The following PICALM variants were observed in gnomAD, a reference collection of about 807,000 sequenced individuals.
The protein encoded by PICALM is phosphatidylinositol binding clathrin assembly protein.
A neutral mutation model predicts 80.5 loss-of-function variants in PICALM; 40 were observed. The observed-to-expected ratio is 0.50, with a 90% CI of 0.39 to 0.65. The LOEUF is 0.65. Among genes scored for constraint, PICALM ranks in the 30% least tolerant of loss-of-function variants. The pLI is 0.00. For synonymous variants in PICALM, 288 were observed against 260.3 expected (o/e 1.11, Z -1.02); for missense variants, 676 against 778.9 (o/e 0.87, Z 1.57).
intron 1 of PICALM, among the ~76,000 whole-genome samples, chr11:86,038,521 G>A (rs1157851528): frequency 2.0e-5 from 3 of 151,922 alleles, no homozygotes; most frequent in Admixed American, 6.6e-5. Context: ...GGTGGCTCAC[G>A]CCTGGAATCC....
rs1018353366 is a variant in PICALM at position 85,957,909 on chromosome 11, G to C, written c.*1137C>G. ...GATCAACAGTGCAGTTTAATTCTTC[G>C]TTTACTAAACTCTTGGCTAGACATT... is the stretch of plus-strand genomic sequence containing the variant. On this transcript the variant is annotated 3_prime_UTR_variant, in exon 20 of 20. Coordinates refer to ENST00000393346, the MANE Select transcript of PICALM (RefSeq NM_007166.4). The C allele has an allele frequency of 4.5e-6, 1 of 223,330 alleles. No homozygotes were observed. The highest frequency in any genetic ancestry group is 9.0e-6 in the Non-Finnish European group (1 of 111,656). The allele number at this position is 223,330 out of a possible 1,614,324, so 13.8% of individuals were successfully genotyped here. A position where few individuals can be genotyped will look rare whatever the true frequency, so the allele number is the denominator to read the frequency against.
At position 86,011,017 on chromosome 11, in the gene PICALM, A is replaced by G; in HGVS notation, c.765+13T>C. 8.3e-7 allele frequency: 1 copy of G among 1,208,218 alleles called. No homozygotes were observed. The highest frequency in any genetic ancestry group is 1.3e-5 in the South Asian group (1 of 77,796). 74.8% of individuals were successfully genotyped at this position (1,208,218 alleles called of 1,614,324 possible). A position where few individuals can be genotyped will look rare whatever the true frequency, so the allele number is the denominator to read the frequency against. Reference sequence around the variant, plus strand: ...AAGGCAAGTTAGGAGACAGTCACTTAAAGACAGTTTACCTCTGCAACTTTG... The same window carrying G: ...AAGGCAAGTTAGGAGACAGTCACTTGAAGACAGTTTACCTCTGCAACTTTG... On this transcript the variant is annotated intron_variant, in intron 7 of 19. Transcript: ENST00000393346.
At chr11:85,985,021 A>C (rs1237671343) in intron 13 of PICALM, among the ~76,000 whole-genome samples, 2 of 152,158 alleles carry the variant, frequency 1.3e-5, no homozygotes, top group Non-Finnish European at 1.5e-5. Context: ...TCCTTTTCTA[A>C]ATTCTACTAA....
At chr11:86,055,544 A>C (rs2096255719) in intron 1 of PICALM, among the ~76,000 whole-genome samples, 1 of 152,198 alleles carries the variant, frequency 6.6e-6, no homozygotes, top group African/African-American at 2.4e-5. Context: ...AACTATACCC[A>C]GTAGTCATGG....
intron 1 of PICALM, among the ~76,000 whole-genome samples, chr11:86,049,051 G>C (rs1456641505): frequency 6.6e-6 from 1 of 152,136 alleles, no homozygotes; most frequent in East Asian, 1.9e-4. Context: ...CCAGCACTTT[G>C]GAAGACCAAG....
chr11:85,977,169 T>G (rs2094308353), intron 17 of PICALM, among the ~76,000 whole-genome samples: 1 of 152,218 alleles, frequency 6.6e-6, no homozygotes, highest in Non-Finnish European at 1.5e-5. Context: ...TCTAAGGATC[T>G]TACTCACTCT....
At chr11:85,977,457 G>T (rs1488513961) in intron 17 of PICALM, among the ~76,000 whole-genome samples, 2 of 152,106 alleles carry the variant, frequency 1.3e-5, no homozygotes, top group Non-Finnish European at 2.9e-5. Flanking sequence ...AACATTTCCT[G>T]TGTGTGTTTC....
rs150892552 is a variant in PICALM, at chr11:85,964,552, A to G, written c.1945-5492T>C. Among the ~76,000 whole-genome samples, 474 of 152,346 alleles carry G rather than the reference A, an allele frequency of 3.1e-3. 4 individuals are homozygous for G. The highest frequency in any genetic ancestry group is 0.011 in the South Asian group (51 of 4,826). On this transcript the variant is annotated intron_variant, in intron 19 of 19. Transcript: ENST00000393346. ...AAGCACTCAGCATGCTGCCTGGCATATATTAAGTAGCTCAAATATTCTTAG... is the reference window on the plus strand; with the variant it reads ...AAGCACTCAGCATGCTGCCTGGCATGTATTAAGTAGCTCAAATATTCTTAG...
At chr11:86,018,641 C>T (rs2095517445) in intron 4 of PICALM, among the ~76,000 whole-genome samples, 1 of 152,126 alleles carries the variant, frequency 6.6e-6, no homozygotes, top group Non-Finnish European at 1.5e-5. Flanking sequence ...GTAATCTCAG[C>T]ACTTTGGGAG....
intron 19 of PICALM, among the ~76,000 whole-genome samples, chr11:85,963,486 C>A (rs2093760938): frequency 1.3e-5 from 2 of 152,156 alleles, no homozygotes; most frequent in Admixed American, 1.3e-4. Context: ...ATCAAAATGA[C>A]CTATGTCACA....
At chr11:86,035,499 A>G (rs1242497372) in intron 1 of PICALM, among the ~76,000 whole-genome samples, 1 of 152,214 alleles carries the variant, frequency 6.6e-6, no homozygotes, top group Non-Finnish European at 1.5e-5. Context: ...TTGTTTTTAA[A>G]TCAACATACC....
intron 19 of PICALM, among the ~76,000 whole-genome samples, chr11:85,963,603 T>C (rs193209634): frequency 6.6e-6 from 1 of 152,338 alleles, no homozygotes; most frequent in Non-Finnish European, 1.5e-5. Flanking sequence ...CGTATAAATA[T>C]ACTAAAATCT....
chr11:86,068,584 G>A, intron 1 of PICALM, 67 bp downstream of exon 1: 3 of 1,475,956 alleles, frequency 2.0e-6, no homozygotes, highest in Non-Finnish European at 2.8e-6. Flanking sequence ...AGACAAGAGA[G>A]AGAGAGAAGG....
chr11:86,001,460 G>A (rs1008564225), intron 9 of PICALM, among the ~76,000 whole-genome samples: 3 of 152,328 alleles, frequency 2.0e-5, no homozygotes, highest in Admixed American at 6.5e-5. Flanking sequence ...GGAAACCAGT[G>A]CAATTGGGAA....
intron 14 of PICALM, among the ~76,000 whole-genome samples, chr11:85,982,358 T>TA (rs1404645700): frequency 3.3e-5 from 5 of 150,998 alleles, no homozygotes; most frequent in African/African-American, 1.2e-4. Context: ...CAATATAGGT[T>TA]AAAAAATAGC....
At chr11:86,055,732 T>C (rs1269622270) in intron 1 of PICALM, among the ~76,000 whole-genome samples, 1 of 152,144 alleles carries the variant, frequency 6.6e-6, no homozygotes, top group Non-Finnish European at 1.5e-5. Context: ...AATTGATCAA[T>C]CTTAAATCTA....
At chr11:86,039,453 G>A (rs1353965640) in intron 1 of PICALM, among the ~76,000 whole-genome samples, 1 of 152,062 alleles carries the variant, frequency 6.6e-6, no homozygotes, top group Non-Finnish European at 1.5e-5. Flanking sequence ...CCCCCCACCA[G>A]AAATGTAAAA....
intron 5 of PICALM, among the ~76,000 whole-genome samples, chr11:86,013,635 G>A (rs1293555495): frequency 6.6e-6 from 1 of 152,116 alleles, no homozygotes; most frequent in Non-Finnish European, 1.5e-5. Flanking sequence ...GTACAATACA[G>A]ACATTGAAAA....
chr11:86,006,446 G>A (rs1315292409), intron 8 of PICALM, among the ~76,000 whole-genome samples: 1 of 152,130 alleles, frequency 6.6e-6, no homozygotes, highest in East Asian at 1.9e-4. Context: ...TCAGGAGTTT[G>A]AGACCAGCCT....
Sources: gnomAD v4.1 joint callset for allele counts (sites outside exome capture counted in the v4.1 genomes callset) on GRCh38, gnomAD v4.1.1 for gene constraint, MANE v1.5 for transcripts, NCBI Gene and HGNC (gene_info 2026-07-23, HGNC 2026-07-21) for gene names.